Variants in COL4A4 observed in about 807,000 individuals in gnomAD.
COL4A4 encodes collagen alpha-4(IV) chain.
In COL4A4, 105 loss-of-function variants were observed where a neutral mutation model predicts 192.9. The ratio of observed to expected loss-of-function variants is 0.54; its 90% CI spans 0.46 to 0.64. COL4A4 has a LOEUF of 0.64. Among genes scored for constraint, COL4A4 ranks in the 30% least tolerant of loss-of-function variants. COL4A4 has a pLI of 0.00. For synonymous variants in COL4A4, 762 were observed against 769.9 expected (o/e 0.99, Z 0.17); for missense variants, 1,967 against 2,169.3 (o/e 0.91, Z 1.85).
At chr2:226,988,664 A>G in the COL4A4 span, 1 of 984,932 alleles carries the variant, frequency 1.0e-6, no homozygotes, top group Non-Finnish European at 1.2e-6. Context: ...TAGGATTTTA[A>G]TATTCCGAAG....
intron 25 of COL4A4, among the ~76,000 whole-genome samples, chr2:227,067,258 A>T (rs921578898): frequency 1.3e-5 from 2 of 152,092 alleles, no homozygotes; most frequent in South Asian, 2.1e-4. Context: ...ACTCCCACAC[A>T]TTAATAATGG....
At chr2:227,066,054 A>G (rs1438880580) in intron 25 of COL4A4, among the ~76,000 whole-genome samples, 1 of 152,240 alleles carries the variant, frequency 6.6e-6, no homozygotes, top group African/African-American at 2.4e-5. Flanking sequence ...CTGAAAACCA[A>G]GCCTCGAGAA....
chr2:227,100,768 G>A (rs1181029596), intron 17 of COL4A4, among the ~76,000 whole-genome samples: 1 of 149,992 alleles, frequency 6.7e-6, no homozygotes, highest in Non-Finnish European at 1.5e-5. Flanking sequence ...CCCAGTGGGA[G>A]GTGATTGAAT....
At chr2:227,074,855 T>C (rs1252578106) in intron 25 of COL4A4, among the ~76,000 whole-genome samples, 8 of 152,020 alleles carry the variant, frequency 5.3e-5, no homozygotes, top group Admixed American at 5.2e-4. Context: ...AAGTGATGAG[T>C]ATGCAAAGGC....
the COL4A4 span, chr2:226,968,925 G>C: frequency 7.7e-6 from 1 of 130,330 alleles, no homozygotes; most frequent in Non-Finnish European, 1.6e-5. Context: ...GATATTTGAG[G>C]GTGCCTTTTG....
chr2:227,047,356 C>T (rs1173301078), intron 35 of COL4A4, 119 bp downstream of exon 35: 2 of 761,258 alleles, frequency 2.6e-6, no homozygotes, highest in Non-Finnish European at 4.6e-6. Context: ...TTTATCTATA[C>T]CTTAATGCAC....
intron 3 of COL4A4, among the ~76,000 whole-genome samples, chr2:227,144,216 G>T (rs1418129749): frequency 1.3e-5 from 2 of 152,166 alleles, no homozygotes; most frequent in South Asian, 4.1e-4. Flanking sequence ...AATTATTCTT[G>T]TATTTCTTGA....
intron 34 of COL4A4, among the ~76,000 whole-genome samples, chr2:227,049,103 C>T (rs1973509429): frequency 6.6e-6 from 1 of 152,062 alleles, no homozygotes; most frequent in Non-Finnish European, 1.5e-5. Context: ...TACGCTAAGG[C>T]TAAGGTTAAA....
At chr2:227,098,946 T>C (rs1004258460) in intron 18 of COL4A4, 148 bp from the exon 19 acceptor site, 2 of 676,354 alleles carry the variant, frequency 3.0e-6, no homozygotes, top group East Asian at 2.8e-5. Flanking sequence ...ATATCTTAAA[T>C]GTGAACCGCC....
rs547188118 is a variant in COL4A4, at chr2:227,037,187, C to T, written c.3506-3706G>A. Among the ~76,000 whole-genome samples, 45 of 152,252 alleles carry T rather than the reference C, an allele frequency of 3.0e-4. 1 individual carries two copies. The highest frequency in any genetic ancestry group is 1.0e-3 in the African/African-American group (43 of 41,544). Reference sequence around the variant, plus strand: ...TGCCATGGTGGTTTGCTGCACCCATCAACCCGACATCTGTATTAGGTATTT... The same window carrying T: ...TGCCATGGTGGTTTGCTGCACCCATTAACCCGACATCTGTATTAGGTATTT... On this transcript the variant is annotated intron_variant, in intron 37 of 47. Transcript: ENST00000396625.
intron 19 of COL4A4, 69 bp from the exon 20 acceptor site, chr2:227,094,358 G>T: frequency 1.3e-6 from 2 of 1,508,304 alleles, no homozygotes; most frequent in Non-Finnish European, 1.8e-6. Flanking sequence ...AAGAAATCAA[G>T]ATTGGTACAC....
At chr2:227,119,283 A>C (rs1248072507) in intron 6 of COL4A4, among the ~76,000 whole-genome samples, 1 of 151,898 alleles carries the variant, frequency 6.6e-6, no homozygotes, top group African/African-American at 2.4e-5. Flanking sequence ...GAGTTATTGT[A>C]CAAAATTTAA....
At chr2:227,122,332 A>T in intron 4 of COL4A4, among the ~76,000 whole-genome samples, 1 of 152,208 alleles carries the variant, frequency 6.6e-6, no homozygotes, top group East Asian at 1.9e-4. Flanking sequence ...ACCTCTCAAA[A>T]TTTTTGCAAA....
At chr2:227,048,003 A>G (rs1380801412) in intron 34 of COL4A4, among the ~76,000 whole-genome samples, 8 of 152,240 alleles carry the variant, frequency 5.3e-5, no homozygotes, top group Admixed American at 3.9e-4. Flanking sequence ...GAAAATCACA[A>G]AGGCATACTG....
chr2:227,098,569 C>A, intron 19 of COL4A4, 125 bp downstream of exon 19: 1 of 734,704 alleles, frequency 1.4e-6, no homozygotes, highest in South Asian at 1.6e-5. Context: ...TGTGCACAGG[C>A]ATCGGTATTA....
chr2:227,023,084 G>A (rs1966331732), intron 43 of COL4A4, among the ~76,000 whole-genome samples: 1 of 152,070 alleles, frequency 6.6e-6, no homozygotes, highest in Non-Finnish European at 1.5e-5. Context: ...TCTGAAGAGG[G>A]GGCCATGTAC....
At chr2:227,026,932 G>A (rs1384350139) in intron 42 of COL4A4, among the ~76,000 whole-genome samples, 1 of 152,212 alleles carries the variant, frequency 6.6e-6, no homozygotes, top group Non-Finnish European at 1.5e-5. Context: ...CCTCTTGCAT[G>A]AAGGAACACA....
chr2:227,041,860 A>AAGAGAGAG (rs1384697280), intron 37 of COL4A4, among the ~76,000 whole-genome samples: 1 of 92,284 alleles, frequency 1.1e-5, no homozygotes, highest in Non-Finnish European at 2.2e-5. Flanking sequence ...GAAAGAAAGA[A>AAGAGAGAG]AGAAAGAAAG....
Position 227,005,596 on chromosome 2 carries a change from A to ACT in COL4A4, c.*1727_*1728dup, listed in dbSNP as rs1338660109. ...CACATTTTTCTTTTTACCAGAAAAT[A>ACT]CTCTTAAAATAAATTGCCACCCTGG... On this transcript the variant is annotated 3_prime_UTR_variant, in exon 48 of 48. Transcript: ENST00000396625. 2.0e-5 allele frequency: 3 copies of ACT among 152,216 alleles called. No homozygotes were observed. The highest frequency in any genetic ancestry group is 2.9e-5 in the Non-Finnish European group (2 of 68,040). The allele number at this position is 152,216 out of a possible 1,614,324, so 9.4% of individuals were successfully genotyped here. A position where few individuals can be genotyped will look rare whatever the true frequency, so the allele number is the denominator to read the frequency against.
Sources: gnomAD v4.1 joint callset for allele counts (sites outside exome capture counted in the v4.1 genomes callset) on GRCh38, gnomAD v4.1.1 for gene constraint, MANE v1.5 for transcripts, NCBI Gene and HGNC (gene_info 2026-07-23, HGNC 2026-07-21) for gene names.